The following SIK2 variants were observed in gnomAD, a reference collection of about 807,000 sequenced individuals.
The protein encoded by SIK2 is salt inducible kinase 2.
Under a neutral mutation model 103.2 loss-of-function variants are expected in SIK2, and 29 were observed. That is an observed-to-expected ratio of 0.28 (90% CI 0.21 to 0.38). The LOEUF is 0.38. Among genes scored for constraint, SIK2 ranks in the 10% least tolerant of loss-of-function variants. SIK2 has a pLI of 1.00. For missense variants in SIK2, 879 were observed against 1,171.0 expected (o/e 0.75, Z 3.64); for synonymous variants, 412 against 446.1 (o/e 0.92, Z 0.96).
intron 3 of SIK2, among the ~76,000 whole-genome samples, chr11:111,647,662 G>A (rs1188173886): frequency 2.0e-5 from 3 of 151,062 alleles, no homozygotes; most frequent in South Asian, 4.2e-4. Context: ...TCAGGAGATC[G>A]AGACCATCCT....
intron 3 of SIK2, among the ~76,000 whole-genome samples, chr11:111,687,530 AAAAG>A (rs1942862152): frequency 6.6e-6 from 1 of 151,848 alleles, no homozygotes; most frequent in African/African-American, 2.4e-5. Flanking sequence ...AAAAAAAAGA[AAAAG>A]AAATACTTCT....
intron 9 of SIK2, 131 bp downstream of exon 9, chr11:111,712,506 G>A (rs1943528745): frequency 1.1e-6 from 1 of 944,280 alleles, no homozygotes; most frequent in African/African-American, 1.7e-5. Flanking sequence ...TGCTTTTGTG[G>A]AGAAAAACCT....
chr11:111,620,449 A>G, intron 3 of SIK2, 47 bp downstream of exon 3: 4 of 1,168,736 alleles, frequency 3.4e-6, no homozygotes, highest in Non-Finnish European at 5.0e-6. Flanking sequence ...AAATTCACTA[A>G]TCTGCATGAA....
At chr11:111,649,299 G>A (rs769213890) in intron 3 of SIK2, among the ~76,000 whole-genome samples, 6 of 152,048 alleles carry the variant, frequency 3.9e-5, no homozygotes, top group Non-Finnish European at 7.4e-5. Context: ...GGTGACCACT[G>A]TGTCCTAAAA....
chr11:111,635,461 A>AGGG (rs1942096834), intron 3 of SIK2, among the ~76,000 whole-genome samples: 3 of 54,420 alleles, frequency 5.5e-5, no homozygotes, highest in Non-Finnish European at 1.0e-4. Flanking sequence ...GGAGGGAGGG[A>AGGG]AATGAGTAAG....
At chr11:111,709,687 C>T (rs1419291150) in intron 8 of SIK2, among the ~76,000 whole-genome samples, 3 of 152,256 alleles carry the variant, frequency 2.0e-5, no homozygotes, top group Non-Finnish European at 4.4e-5. Flanking sequence ...TATATTTATA[C>T]CCTCTCTTGT....
chr11:111,674,375 G>A (rs1405049051), intron 3 of SIK2, among the ~76,000 whole-genome samples: 2 of 152,214 alleles, frequency 1.3e-5, no homozygotes, highest in Non-Finnish European at 2.9e-5. Flanking sequence ...TTGGAGATAG[G>A]AGGCAGTGGG....
chr11:111,675,144 C>A (rs916013103), intron 3 of SIK2, among the ~76,000 whole-genome samples: 6 of 152,122 alleles, frequency 3.9e-5, no homozygotes, highest in East Asian at 1.9e-4. Flanking sequence ...AGGGTGACTC[C>A]ATTTCAGGCT....
intron 3 of SIK2, among the ~76,000 whole-genome samples, chr11:111,674,090 A>G (rs1174482697): frequency 6.6e-6 from 1 of 151,836 alleles, no homozygotes; most frequent in Non-Finnish European, 1.5e-5. Flanking sequence ...AAAAGAAAAA[A>G]AGAAAAAAAA....
rs1477908913 is a variant in SIK2, at chr11:111,725,488, C to T, written c.*1359C>T. On this transcript the variant is annotated 3_prime_UTR_variant, in exon 15 of 15. Transcript: ENST00000304987. ...AGATGCTACAGCTAGCTAACTGTAT[C>T]CCTAGAAATGATGAATAATTTGCCA... is the stretch of plus-strand genomic sequence containing the variant. The T allele has an allele frequency of 6.6e-6, 1 of 152,510 alleles. No homozygotes were observed. Among genetic ancestry groups the T allele is most frequent in the Non-Finnish European group, 1.5e-5 (1 of 68,042 alleles). 9.4% of individuals were successfully genotyped at this position (152,510 alleles called of 1,614,324 possible). A position where few individuals can be genotyped will look rare whatever the true frequency, so the allele number is the denominator to read the frequency against.
At chr11:111,644,076 A>G (rs1394614214) in intron 3 of SIK2, among the ~76,000 whole-genome samples, 1 of 151,888 alleles carries the variant, frequency 6.6e-6, no homozygotes, top group African/African-American at 2.4e-5. Context: ...TCACGAGGTC[A>G]GGAGTCCGAG....
At chr11:111,673,762 T>C (rs1377298594) in intron 3 of SIK2, among the ~76,000 whole-genome samples, 1 of 152,164 alleles carries the variant, frequency 6.6e-6, no homozygotes, top group East Asian at 1.9e-4. Flanking sequence ...CTTTGAAATA[T>C]TAATGTTGAA....
chr11:111,625,326 G>A (rs927946583), intron 3 of SIK2, among the ~76,000 whole-genome samples: 13 of 152,170 alleles, frequency 8.5e-5, no homozygotes, highest in African/African-American at 3.1e-4. Flanking sequence ...GGTGTTGACA[G>A]CCCAGACCGG....
intron 3 of SIK2, among the ~76,000 whole-genome samples, chr11:111,657,096 CAT>C (rs1295280571): frequency 1.3e-5 from 2 of 152,090 alleles, no homozygotes; most frequent in African/African-American, 4.8e-5. Context: ...ATAAATGAGA[CAT>C]ATTTACATAA....
rs112616064 is a variant in SIK2, at chr11:111,646,276, C to T, written c.316+25874C>T. Among the ~76,000 whole-genome samples the T allele has an allele frequency of 1.4e-3, 214 of 152,068 alleles. 2 individuals are homozygous for T. The highest frequency in any genetic ancestry group is 4.4e-3 in the African/African-American group (184 of 41,472). ...ACCAGCCTGACCAATATAGTGAAAC[C>T]GCATCTCTACTAAAAATACAAAATT... On this transcript the variant is annotated intron_variant, in intron 3 of 14. Transcript: ENST00000304987.
intron 6 of SIK2, 123 bp from the exon 7 acceptor site, chr11:111,703,080 C>T (rs1199829876): frequency 1.3e-6 from 1 of 765,458 alleles, no homozygotes; most frequent in African/African-American, 1.7e-5. Flanking sequence ...ATTCATTTGA[C>T]CTTCTGCTTT....
chr11:111,629,917 G>A (rs1201143738), intron 3 of SIK2, among the ~76,000 whole-genome samples: 1 of 152,132 alleles, frequency 6.6e-6, no homozygotes, highest in African/African-American at 2.4e-5. Context: ...AGTTTCTTAT[G>A]AAGTTAAACA....
At chr11:111,721,527 C>A (rs1943801246) in intron 12 of SIK2, among the ~76,000 whole-genome samples, 1 of 152,156 alleles carries the variant, frequency 6.6e-6, no homozygotes, top group African/African-American at 2.4e-5. Flanking sequence ...TATTTTGAGC[C>A]TATTTTCAGT....
intron 1 of SIK2, 120 bp from the exon 2 acceptor site, chr11:111,616,123 T>C (rs1307653385): frequency 1.6e-6 from 1 of 624,748 alleles, no homozygotes; most frequent in African/African-American, 1.8e-5. Flanking sequence ...GAATTTAAAC[T>C]GCTATCATCA....
Sources: allele counts gnomAD v4.1 joint callset (sites outside exome capture counted in the v4.1 genomes callset), GRCh38; gene constraint gnomAD v4.1.1; transcripts MANE v1.5; gene names NCBI Gene and HGNC (gene_info 2026-07-23, HGNC 2026-07-21).